Variants in ALK observed in about 807,000 individuals in gnomAD.
ALK encodes ALK receptor tyrosine kinase, also known as ALK tyrosine kinase receptor.
A neutral mutation model predicts 163.1 loss-of-function variants in ALK; 74 were observed. That is an observed-to-expected ratio of 0.45 (90% CI 0.38 to 0.55). The LOEUF (loss-of-function observed/expected upper bound fraction) is 0.55, where lower values mean the gene tolerates loss of function less well. Ranked by LOEUF, ALK falls within the 20% of genes least tolerant of loss-of-function variation. The pLI, the probability that ALK is intolerant of heterozygous loss-of-function variation, is 0.00. For synonymous variants in ALK, 960 were observed against 843.2 expected, an observed-to-expected ratio of 1.14 and a Z score of -2.40; for missense variants, 2,063 against 2,105.3, an observed-to-expected ratio of 0.98 and a Z score of 0.39.
chr2:29,300,314 C>T (rs1016260164), intron 8 of ALK, among the ~76,000 whole-genome samples: 12 of 152,044 alleles, frequency 7.9e-5, no homozygotes, highest in African/African-American at 2.2e-4. Flanking sequence ...TCTGGGAGGC[C>T]GAGTCAGGTG....
chr2:29,329,984 A>G (rs1181690035), intron 5 of ALK, among the ~76,000 whole-genome samples: 1 of 152,102 alleles, frequency 6.6e-6, no homozygotes, highest in Non-Finnish European at 1.5e-5. Context: ...TCTCCATCTC[A>G]CGGAAGGAGA....
At chr2:29,834,856 C>T (rs1221674037) in intron 1 of ALK, among the ~76,000 whole-genome samples, 1 of 152,214 alleles carries the variant, frequency 6.6e-6, no homozygotes, top group African/African-American at 2.4e-5. Flanking sequence ...ACAGTACCAT[C>T]AATTGCAGCA....
intron 3 of ALK, among the ~76,000 whole-genome samples, chr2:29,571,125 T>C (rs570524848): frequency 6.6e-6 from 1 of 152,044 alleles, no homozygotes; most frequent in African/African-American, 2.4e-5. Flanking sequence ...CTCTCCCTGT[T>C]TGTGAAAGAT....
intron 1 of ALK, among the ~76,000 whole-genome samples, chr2:29,855,080 G>A (rs1310659728): frequency 1.3e-5 from 2 of 152,096 alleles, no homozygotes; most frequent in Non-Finnish European, 2.9e-5. Flanking sequence ...GACGATGTCT[G>A]TCTTACAATG....
intron 1 of ALK, among the ~76,000 whole-genome samples, chr2:29,901,713 C>T (rs1667417894): frequency 6.6e-6 from 1 of 152,202 alleles, no homozygotes; most frequent in African/African-American, 2.4e-5. Flanking sequence ...TAAATTGTTG[C>T]TTTCCTCTAA....
At chr2:29,391,387 C>A (rs185914769) in intron 4 of ALK, among the ~76,000 whole-genome samples, 2 of 151,826 alleles carry the variant, frequency 1.3e-5, no homozygotes, top group Admixed American at 6.6e-5. Flanking sequence ...CTGCAACGTC[C>A]GCCTCCTGGC....
At chr2:29,821,106 T>A (rs927750702) in intron 1 of ALK, among the ~76,000 whole-genome samples, 2 of 152,112 alleles carry the variant, frequency 1.3e-5, no homozygotes, top group Non-Finnish European at 2.9e-5. Flanking sequence ...CCAAATCAAG[T>A]GTCACAGTGG....
chr2:29,409,391 A>C (rs1669673047), intron 4 of ALK, among the ~76,000 whole-genome samples: 1 of 150,688 alleles, frequency 6.6e-6, no homozygotes, highest in Non-Finnish European at 1.5e-5. Flanking sequence ...TGTGGGGAGG[A>C]CTCTCAAATC....
intron 3 of ALK, among the ~76,000 whole-genome samples, chr2:29,614,141 G>A (rs1167114758): frequency 6.6e-6 from 1 of 152,086 alleles, no homozygotes; most frequent in Non-Finnish European, 1.5e-5. Flanking sequence ...CTAGACCATG[G>A]CCCTGCTTCT....
chr2:29,196,884 A>T lies in ALK; in HGVS notation c.4074-24T>A, dbSNP rs750589550. ...ATCTAAAAGAAGAAGCACATTAATTAAAATAAGGAGAAGCACAATGATGAA... is the reference window on the plus strand; with the variant it reads ...ATCTAAAAGAAGAAGCACATTAATTTAAATAAGGAGAAGCACAATGATGAA... On this transcript the variant is annotated intron_variant, in intron 27 of 28. Coordinates refer to ENST00000389048, the MANE Select transcript of ALK (RefSeq NM_004304.5). The T allele has an allele frequency of 2.6e-6, 4 of 1,552,178 alleles. No homozygotes were observed. The African/African-American group carries it at 4.1e-5, about 16-fold the overall frequency.
At chr2:29,695,269 G>T (rs1678520907) in intron 2 of ALK, among the ~76,000 whole-genome samples, 4 of 152,162 alleles carry the variant, frequency 2.6e-5, no homozygotes, top group Non-Finnish European at 4.4e-5. Context: ...CTAACTAACA[G>T]GTTGAATGGT....
In ALK at chr2:29,572,700, C is replaced by T. The variant is rs537810905; in HGVS notation, c.953-40584G>A. ...CCCTTAAAGGTGAGGACCATGCCTG[C>T]CTGTTCTTCAGCTCCAATCCCCACG... On this transcript the variant is annotated intron_variant, in intron 3 of 28. Transcript: ENST00000389048. Among the ~76,000 whole-genome samples the T allele has an allele frequency of 2.6e-5, 4 of 152,320 alleles. No homozygotes were observed. The East Asian group carries it at 5.8e-4, about 22-fold the overall frequency.
intron 2 of ALK, among the ~76,000 whole-genome samples, chr2:29,699,899 G>C (rs1294668493): frequency 2.0e-5 from 3 of 152,328 alleles, no homozygotes; most frequent in Admixed American, 1.3e-4. Flanking sequence ...GCTATGAAGG[G>C]AAAGGGCTCT....
chr2:29,883,070 C>T (rs570141497), intron 1 of ALK, among the ~76,000 whole-genome samples: 20 of 134,858 alleles, frequency 1.5e-4, no homozygotes, highest in South Asian at 1.4e-3. Flanking sequence ...GAGAGAGAGA[C>T]GACAGAGAGA....
chr2:29,830,713 TAAAAAAAAAAAAA>T (rs530774574), intron 1 of ALK, among the ~76,000 whole-genome samples: 17 of 28,996 alleles, frequency 5.9e-4, no homozygotes, highest in South Asian at 1.6e-3. Context: ...TAAAATAGTT[TAAAAAAAAAAAAA>T]AAAAAAAAAA....
chr2:29,908,766 AC>A (rs1406186912), intron 1 of ALK, among the ~76,000 whole-genome samples: 1 of 152,110 alleles, frequency 6.6e-6, no homozygotes, highest in African/African-American at 2.4e-5. Flanking sequence ...GCAGGAATTG[AC>A]CTCTCCAACC....
intron 1 of ALK, among the ~76,000 whole-genome samples, chr2:29,785,102 G>A (rs766794353): frequency 6.6e-5 from 10 of 152,070 alleles, no homozygotes; most frequent in Non-Finnish European, 1.2e-4. Context: ...TTAGACATCC[G>A]GAGAGCTGGG....
At chr2:29,470,908 C>A (rs1312161891) in intron 4 of ALK, among the ~76,000 whole-genome samples, 1 of 152,064 alleles carries the variant, frequency 6.6e-6, no homozygotes, top group Non-Finnish European at 1.5e-5. Flanking sequence ...AAATACATGA[C>A]AACAAAAGGA....
intron 9 of ALK, among the ~76,000 whole-genome samples, chr2:29,291,712 A>G (rs990285372): frequency 1.3e-5 from 2 of 152,250 alleles, no homozygotes; most frequent in Non-Finnish European, 2.9e-5. Flanking sequence ...TTCAATTAAC[A>G]GAAATGTGAA....
Sources: gnomAD v4.1 joint callset for allele counts (sites outside exome capture counted in the v4.1 genomes callset) on GRCh38, gnomAD v4.1.1 for gene constraint, MANE v1.5 for transcripts, NCBI Gene and HGNC (gene_info 2026-07-23, HGNC 2026-07-21) for gene names.